The following PRH1 variants were observed in gnomAD, a reference collection of about 807,000 sequenced individuals.
PRH1 encodes the protein salivary acidic proline-rich phosphoprotein 1/2.
In PRH1, 7 loss-of-function variants were observed where a neutral mutation model predicts 7.9. The observed-to-expected ratio is 0.89, with a 90% CI of 0.50 to 1.67. The LOEUF is 1.67. Ranked by LOEUF, PRH1 falls within the 40% of genes most tolerant of loss-of-function variation. The pLI is 0.00. For synonymous variants in PRH1, 45 were observed against 80.8 expected (o/e 0.56, Z 2.38); for missense variants, 109 against 223.6 (o/e 0.49, Z 3.27).
intron 1 of PRH1, among the ~76,000 whole-genome samples, chr12:11,163,935 C>G (rs189101140): frequency 2.0e-5 from 3 of 152,234 alleles, no homozygotes; most frequent in Non-Finnish European, 1.5e-5. Context: ...TGAGGTAAAG[C>G]TATTATTTCT....
At chr12:10,893,288 A>T (rs893635717) in intron 2 of PRH1, among the ~76,000 whole-genome samples, 1 of 152,236 alleles carries the variant, frequency 6.6e-6, no homozygotes, top group Non-Finnish European at 1.5e-5. Flanking sequence ...GTATCCAATT[A>T]TCAATGCTGC....
chr12:11,100,406 T>A (rs1028507759), intron 1 of PRH1, among the ~76,000 whole-genome samples: 5 of 152,072 alleles, frequency 3.3e-5, no homozygotes, highest in African/African-American at 1.2e-4. Flanking sequence ...ATGTGAGGAG[T>A]TTTTTTGGAT....
intron 1 of PRH1, among the ~76,000 whole-genome samples, chr12:11,063,343 T>C (rs773659421): frequency 6.6e-6 from 1 of 152,088 alleles, no homozygotes; most frequent in Non-Finnish European, 1.5e-5. Context: ...AGATTTCAGA[T>C]GGCTTCCATA....
At chr12:11,115,519 A>G (rs373470109) in intron 1 of PRH1, among the ~76,000 whole-genome samples, 4 of 152,266 alleles carry the variant, frequency 2.6e-5, no homozygotes, top group East Asian at 1.9e-4. Context: ...AAGAAACATC[A>G]GACTTAATCT....
In PRH1 at chr12:10,901,665, A is replaced by G. The variant is rs75592112; in HGVS notation, c.-58-17390T>C. ...CATTGTCCAAAACTGGCTCTTACCT[A>G]TAAGTGCCATCTACTGGCTTGTAGG... On this transcript the variant is annotated intron_variant, in intron 2 of 3. Coordinates refer to the PRH1 transcript ENST00000539853. 5.5e-3 allele frequency among the ~76,000 whole-genome samples: 833 copies of G among 152,270 alleles called. 5 individuals are homozygous for G. Among genetic ancestry groups the G allele is most frequent in the Middle Eastern group, 0.017 (5 of 294 alleles).
At chr12:10,997,996 T>A in intron 1 of PRH1, 1 of 639,992 alleles carries the variant, frequency 1.6e-6, no homozygotes, top group Non-Finnish European at 2.6e-6. Flanking sequence ...ACATTCTTTA[T>A]ACTTTTAAAT....
intron 1 of PRH1, chr12:11,031,045 C>T (rs774385749): frequency 1.2e-6 from 2 of 1,614,284 alleles, no homozygotes; most frequent in East Asian, 2.2e-5. Context: ...TAGTAGCAAG[C>T]CAGTTGCTGA....
intron 1 of PRH1, chr12:11,166,240 G>C (rs1947579095): frequency 6.6e-6 from 1 of 152,288 alleles, no homozygotes; most frequent in Non-Finnish European, 1.5e-5. Context: ...ATATCATCAG[G>C]TTAACTGCCC....
At chr12:11,106,884 G>A (rs1945438564) in intron 1 of PRH1, among the ~76,000 whole-genome samples, 1 of 152,172 alleles carries the variant, frequency 6.6e-6, no homozygotes, top group Non-Finnish European at 1.5e-5. Flanking sequence ...TGAGGAGTTA[G>A]TATACTAGTT....
intron 1 of PRH1, among the ~76,000 whole-genome samples, chr12:11,013,378 G>C (rs752657205): frequency 6.6e-6 from 1 of 152,016 alleles, no homozygotes; most frequent in East Asian, 1.9e-4. Flanking sequence ...AAATGATACT[G>C]AGAACATTGA....
Position 10,978,046 on chromosome 12 carries a change from T to C in PRH1, c.-125-4325A>G, listed in dbSNP as rs1317445339. Among the ~76,000 whole-genome samples the C allele has an allele frequency of 2.2e-5, 3 of 134,188 alleles. 1 individual carries two copies. The Admixed American group carries it at 2.2e-4, about 10-fold the overall frequency. The allele number at this position is 134,188 out of a possible 152,430, so 88.0% of individuals were successfully genotyped here. On this transcript the variant is annotated intron_variant, in intron 1 of 3. Coordinates refer to the PRH1 transcript ENST00000539853. ...CTACCAGTGACATTCTTCACCAAAG[T>C]AGAAAAAAACTATTTTAAAGTTCAT...
intron 1 of PRH1, among the ~76,000 whole-genome samples, chr12:11,027,097 C>T (rs1941955053): frequency 6.6e-6 from 1 of 152,024 alleles, no homozygotes; most frequent in Non-Finnish European, 1.5e-5. Context: ...AAATCCTAGC[C>T]CTACAGAAAA....
chr12:10,949,356 C>T (rs1232974097), intron 2 of PRH1, among the ~76,000 whole-genome samples: 1 of 152,224 alleles, frequency 6.6e-6, no homozygotes, highest in East Asian at 1.9e-4. Context: ...AGGATCTTTG[C>T]TCCTTCATTA....
intron 1 of PRH1, among the ~76,000 whole-genome samples, chr12:11,060,460 T>G (rs180692083): frequency 5.3e-5 from 8 of 152,172 alleles, no homozygotes; most frequent in Non-Finnish European, 8.8e-5. Context: ...AAGGGTATAA[T>G]TAACAATTCA....
intron 2 of PRH1, among the ~76,000 whole-genome samples, chr12:10,959,015 G>C (rs1050358510): frequency 6.6e-6 from 1 of 152,172 alleles, no homozygotes; most frequent in African/African-American, 2.4e-5. Context: ...AGAAACTCAT[G>C]GCAAATATCC....
chr12:11,003,249 G>T (rs974584316), intron 1 of PRH1, among the ~76,000 whole-genome samples: 7 of 151,686 alleles, frequency 4.6e-5, no homozygotes, highest in Admixed American at 4.6e-4. Flanking sequence ...TATTGTTTCA[G>T]CCTAGTTTTA....
At chr12:10,942,458 C>G (rs960215434) in intron 2 of PRH1, among the ~76,000 whole-genome samples, 1 of 152,114 alleles carries the variant, frequency 6.6e-6, no homozygotes, top group African/African-American at 2.4e-5. Context: ...GAAGCTGCCT[C>G]TGCTGAGTCA....
chr12:10,917,259 GC>G (rs1565469938), intron 2 of PRH1, among the ~76,000 whole-genome samples: 1 of 151,908 alleles, frequency 6.6e-6, no homozygotes, highest in Admixed American at 6.6e-5. Flanking sequence ...TCTATACCTG[GC>G]TTCTCTTCAG....
At chr12:10,889,522 C>G (rs1949540850) in intron 2 of PRH1, among the ~76,000 whole-genome samples, 1 of 152,094 alleles carries the variant, frequency 6.6e-6, no homozygotes, top group African/African-American at 2.4e-5. Flanking sequence ...TTGGGATTTG[C>G]TCAGCTTCTT....
Sources: allele counts gnomAD v4.1 joint callset (sites outside exome capture counted in the v4.1 genomes callset), GRCh38; gene constraint gnomAD v4.1.1; transcripts MANE v1.5; gene names NCBI Gene and HGNC (gene_info 2026-07-23, HGNC 2026-07-21).